The following RBMS1 variants were observed in gnomAD, a reference collection of about 807,000 sequenced individuals.
RBMS1 encodes the protein RNA binding motif single stranded interacting protein 1, also known as RNA-binding motif, single-stranded-interacting protein 1.
In RBMS1, 17 loss-of-function variants were observed where a neutral mutation model predicts 62.3. The ratio of observed to expected loss-of-function variants is 0.27; its 90% CI spans 0.19 to 0.41. RBMS1 has a LOEUF of 0.41. Among genes scored for constraint, RBMS1 ranks in the 10% least tolerant of loss-of-function variants. The probability of loss-of-function intolerance (pLI) is 1.00; values close to 1 mark genes in which losing one functional copy is unlikely to be tolerated. For synonymous variants in RBMS1, 172 were observed against 170.0 expected, an observed-to-expected ratio of 1.01 and a Z score of -0.09; for missense variants, 334 against 504.5, an observed-to-expected ratio of 0.66 and a Z score of 3.24.
intron 1 of RBMS1, among the ~76,000 whole-genome samples, chr2:160,454,833 CAATTG>C (rs1384293408): frequency 1.3e-5 from 2 of 152,206 alleles, no homozygotes; most frequent in African/African-American, 4.8e-5. Context: ...ATGAAATGAG[CAATTG>C]AAATTTCTTT....
intron 2 of RBMS1, among the ~76,000 whole-genome samples, chr2:160,331,756 T>A (rs1691286473): frequency 6.6e-6 from 1 of 152,170 alleles, no homozygotes; most frequent in African/African-American, 2.4e-5. Context: ...AAGGAACAGT[T>A]GAAGTTCTTA....
chr2:160,318,097 A>G (rs536033247), intron 3 of RBMS1, 72 bp downstream of exon 3: 3 of 1,561,888 alleles, frequency 1.9e-6, no homozygotes, highest in South Asian at 2.4e-5. Context: ...TTTTGAAACC[A>G]AAGATCAGGT....
At chr2:160,373,476 TG>T (rs1693838971) in intron 1 of RBMS1, among the ~76,000 whole-genome samples, 1 of 152,242 alleles carries the variant, frequency 6.6e-6, no homozygotes, top group Non-Finnish European at 1.5e-5. Flanking sequence ...TGCTCCTGAA[TG>T]CTTATCAGCC....
intron 1 of RBMS1, among the ~76,000 whole-genome samples, chr2:160,460,869 T>C (rs1447347120): frequency 6.6e-6 from 1 of 152,232 alleles, no homozygotes; most frequent in African/African-American, 2.4e-5. Context: ...TATGATCTTG[T>C]AAGACATACA....
chr2:160,458,796 C>CAAA (rs72225066), intron 1 of RBMS1, among the ~76,000 whole-genome samples: 2 of 126,234 alleles, frequency 1.6e-5, no homozygotes, highest in African/African-American at 5.7e-5. Context: ...AACTCTGTCT[C>CAAA]AAAAAAAAAA....
At chr2:160,434,661 T>A (rs934849035) in intron 1 of RBMS1, among the ~76,000 whole-genome samples, 1 of 152,202 alleles carries the variant, frequency 6.6e-6, no homozygotes, top group South Asian at 2.1e-4. Context: ...GAAACTTAAT[T>A]TTTAAGTAAT....
intron 1 of RBMS1, among the ~76,000 whole-genome samples, chr2:160,435,457 C>T (rs12233099): frequency 0.11 from 16,912 of 152,160 alleles, 1,046 homozygotes; most frequent in East Asian, 0.24. Flanking sequence ...CCTCTGATTG[C>T]TATTCCACAT....
intron 1 of RBMS1, among the ~76,000 whole-genome samples, chr2:160,385,579 G>A (rs1317857804): frequency 6.6e-6 from 1 of 152,126 alleles, no homozygotes; most frequent in Non-Finnish European, 1.5e-5. Context: ...TAAAGAGAGA[G>A]GCATTTGGGT....
chr2:160,292,953 C>A (rs1017474967), intron 6 of RBMS1, among the ~76,000 whole-genome samples: 2 of 152,140 alleles, frequency 1.3e-5, no homozygotes, highest in Non-Finnish European at 2.9e-5. Context: ...CCTGTTCCAG[C>A]GCTTTTGCTG....
intron 1 of RBMS1, among the ~76,000 whole-genome samples, chr2:160,389,612 C>T (rs940966683): frequency 7.2e-5 from 10 of 139,430 alleles, no homozygotes; most frequent in African/African-American, 2.6e-4. Context: ...GCAGGAGAAT[C>T]GCTTGAACCC....
At chr2:160,290,954 A>G (rs1233869861) in intron 6 of RBMS1, among the ~76,000 whole-genome samples, 1 of 151,940 alleles carries the variant, frequency 6.6e-6, no homozygotes, top group Non-Finnish European at 1.5e-5. Context: ...ATCTCCACCG[A>G]GTATTTTCCT....
At chr2:160,295,150 C>T (rs1688873739) in intron 6 of RBMS1, among the ~76,000 whole-genome samples, 1 of 152,152 alleles carries the variant, frequency 6.6e-6, no homozygotes, top group Non-Finnish European at 1.5e-5. Flanking sequence ...GCTTCCAAGT[C>T]TGGCATTATA....
chr2:160,401,733 C>G (rs754499822), intron 1 of RBMS1, among the ~76,000 whole-genome samples: 3 of 152,110 alleles, frequency 2.0e-5, no homozygotes, highest in Non-Finnish European at 4.4e-5. Context: ...TAAAAAGTAG[C>G]ATTTTTCACT....
At chr2:160,281,390 A>G (rs1447260798) in intron 9 of RBMS1, 26 bp from the exon 10 acceptor site, 12 of 1,572,206 alleles carry the variant, frequency 7.6e-6, no homozygotes. Flanking sequence ...TTTTGAAAGA[A>G]ATATTGATTT....
At chr2:160,314,703 G>A (rs1039212883) in intron 3 of RBMS1, among the ~76,000 whole-genome samples, 8 of 152,144 alleles carry the variant, frequency 5.3e-5, no homozygotes, top group Non-Finnish European at 1.0e-4. Context: ...TATATTACTT[G>A]GAATTGGGCT....
chr2:160,316,460 C>T (rs991680589), intron 3 of RBMS1, among the ~76,000 whole-genome samples: 4 of 152,164 alleles, frequency 2.6e-5, no homozygotes, highest in African/African-American at 7.2e-5. Flanking sequence ...ATTAGTCCTA[C>T]CCTTAGAAGT....
chr2:160,359,827 T>C (rs1006812440), intron 2 of RBMS1, among the ~76,000 whole-genome samples: 2 of 152,200 alleles, frequency 1.3e-5, no homozygotes, highest in East Asian at 3.9e-4. Context: ...TTTTAGCAGA[T>C]GGATTGCTTA....
intron 1 of RBMS1, chr2:160,408,588 C>A (rs13009374): frequency 0.71 from 108,588 of 152,130 alleles, 39,059 homozygotes; most frequent in East Asian, 0.83. Flanking sequence ...CTCCCTAAAA[C>A]CTGGAACAGT....
At chr2:160,377,335 A>C (rs1050458013) in intron 1 of RBMS1, among the ~76,000 whole-genome samples, 1 of 152,218 alleles carries the variant, frequency 6.6e-6, no homozygotes, top group African/African-American at 2.4e-5. Flanking sequence ...TGCCACCTAC[A>C]GGTTAAAAAA....
Sources: gnomAD v4.1 joint callset for allele counts (sites outside exome capture counted in the v4.1 genomes callset) on GRCh38, gnomAD v4.1.1 for gene constraint, MANE v1.5 for transcripts, NCBI Gene and HGNC (gene_info 2026-07-23, HGNC 2026-07-21) for gene names.